The following PTPRK variants were observed in gnomAD, a reference collection of about 807,000 sequenced individuals.
PTPRK encodes receptor-type tyrosine-protein phosphatase kappa.
A neutral mutation model predicts 178.0 loss-of-function variants in PTPRK; 75 were observed. The observed-to-expected ratio is 0.42, with a 90% CI of 0.35 to 0.51. The LOEUF is 0.51. Among genes scored for constraint, PTPRK ranks in the 20% least tolerant of loss-of-function variants. The probability of loss-of-function intolerance (pLI) is 0.02; values close to 1 mark genes in which losing one functional copy is unlikely to be tolerated. For synonymous variants in PTPRK, 637 were observed against 620.6 expected, an observed-to-expected ratio of 1.03 and a Z score of -0.39; for missense variants, 1,441 against 1,797.8, an observed-to-expected ratio of 0.80 and a Z score of 3.59.
At chr6:128,386,777 A>C (rs1838801129) in intron 2 of PTPRK, among the ~76,000 whole-genome samples, 1 of 152,138 alleles carries the variant, frequency 6.6e-6, no homozygotes, top group African/African-American at 2.4e-5. Context: ...CACCTATCTA[A>C]AGGAAACGGG....
intron 1 of PTPRK, among the ~76,000 whole-genome samples, chr6:128,431,192 C>T (rs972568408): frequency 6.6e-6 from 1 of 152,072 alleles, no homozygotes. Context: ...CCCACCTCGG[C>T]TTCCTAAAGT....
chr6:128,472,998 C>CA (rs552648726), intron 1 of PTPRK, among the ~76,000 whole-genome samples: 214 of 152,170 alleles, frequency 1.4e-3, no homozygotes, highest in Non-Finnish European at 2.2e-3. Flanking sequence ...TAAAATTTTT[C>CA]AAACACCTGA....
intron 7 of PTPRK, among the ~76,000 whole-genome samples, chr6:128,147,708 C>A (rs922968051): frequency 3.9e-5 from 6 of 152,070 alleles, no homozygotes; most frequent in African/African-American, 7.2e-5. Flanking sequence ...TATGAGGATA[C>A]CCTGGCTCAA....
intron 11 of PTPRK, among the ~76,000 whole-genome samples, chr6:128,068,115 G>A (rs1430293713): frequency 6.6e-6 from 1 of 152,188 alleles, no homozygotes; most frequent in East Asian, 1.9e-4. Flanking sequence ...ACACATCATA[G>A]ATTCAGTTCT....
At chr6:128,357,574 G>A (rs1834127013) in intron 2 of PTPRK, among the ~76,000 whole-genome samples, 1 of 152,138 alleles carries the variant, frequency 6.6e-6, no homozygotes, top group Non-Finnish European at 1.5e-5. Flanking sequence ...CAGCATTTCT[G>A]GACACTGTCA....
intron 2 of PTPRK, among the ~76,000 whole-genome samples, chr6:128,396,595 T>C (rs1054992346): frequency 2.6e-5 from 4 of 152,162 alleles, no homozygotes; most frequent in African/African-American, 7.2e-5. Flanking sequence ...ATTGACATCC[T>C]ATGTTAATGT....
chr6:128,032,179 T>C (rs1775456534), intron 13 of PTPRK, among the ~76,000 whole-genome samples: 1 of 152,230 alleles, frequency 6.6e-6, no homozygotes, highest in East Asian at 1.9e-4. Context: ...CTCGGGCTGC[T>C]GCCTCTCACC....
intron 7 of PTPRK, among the ~76,000 whole-genome samples, chr6:128,105,888 A>C (rs774168103): frequency 6.6e-6 from 1 of 152,184 alleles, no homozygotes; most frequent in Non-Finnish European, 1.5e-5. Context: ...CTCATTGTAC[A>C]CTGCTTTTAA....
chr6:128,359,020 T>C (rs746485064), intron 2 of PTPRK, among the ~76,000 whole-genome samples: 23 of 152,322 alleles, frequency 1.5e-4, no homozygotes, highest in African/African-American at 5.1e-4. Flanking sequence ...GCCAGTTAAA[T>C]AGGATGCATA....
chr6:128,189,433 G>A (rs1249184318), intron 6 of PTPRK, among the ~76,000 whole-genome samples: 1 of 151,370 alleles, frequency 6.6e-6, no homozygotes. Context: ...TAGAGACGGG[G>A]TTTCGCTATA....
intron 13 of PTPRK, among the ~76,000 whole-genome samples, chr6:128,031,142 A>T (rs939679179): frequency 6.6e-6 from 1 of 152,228 alleles, no homozygotes. Context: ...AGTAGCTGAA[A>T]CAGAAATAAG....
At chr6:128,342,934 T>G in intron 2 of PTPRK, among the ~76,000 whole-genome samples, 1 of 151,428 alleles carries the variant, frequency 6.6e-6, no homozygotes, top group East Asian at 2.0e-4. Flanking sequence ...AAAAAAACAA[T>G]TAAAAAATTA....
At chr6:128,311,010 C>T (rs796580275) in intron 3 of PTPRK, among the ~76,000 whole-genome samples, 10 of 152,130 alleles carry the variant, frequency 6.6e-5, no homozygotes, top group African/African-American at 2.2e-4. Context: ...AAAGTTCCCC[C>T]GGGATCCCAG....
chr6:128,235,442 CT>C (rs1405253300), intron 5 of PTPRK: 1 of 272,134 alleles, frequency 3.7e-6, no homozygotes, highest in Non-Finnish European at 7.9e-6. Context: ...TATAATTTCA[CT>C]TTTGATCTTA....
chr6:128,285,822 T>C (rs1295380267), intron 3 of PTPRK, among the ~76,000 whole-genome samples: 2 of 151,656 alleles, frequency 1.3e-5, no homozygotes, highest in Non-Finnish European at 2.9e-5. Context: ...CCAAAATAAA[T>C]AAATAAATAA....
At position 128,380,555 on chromosome 6, in the gene PTPRK, T is replaced by TACAC. The variant is rs1562397761; in HGVS notation, c.223+17010_223+17011insGTGT. 9.5e-3 allele frequency among the ~76,000 whole-genome samples: 470 copies of TACAC among 49,566 alleles called. 2 individuals are homozygous for TACAC. The highest frequency in any genetic ancestry group is 0.026 in the South Asian group (30 of 1,144). The allele number at this position is 49,566 out of a possible 152,430, so 32.5% of individuals were successfully genotyped here. On this transcript the variant is annotated intron_variant, in intron 2 of 29. Transcript: ENST00000368226. Reference sequence around the variant, plus strand: ...ACACAGACATACACACACACACACGTGTGTGTGTGTGTGTGTGTGTATGCA... The same window carrying TACAC: ...ACACAGACATACACACACACACACGTACACGTGTGTGTGTGTGTGTGTGTATGCA...
At chr6:128,073,299 G>GAGAC (rs1201695868) in intron 11 of PTPRK, among the ~76,000 whole-genome samples, 7 of 151,968 alleles carry the variant, frequency 4.6e-5, no homozygotes, top group African/African-American at 1.7e-4. Context: ...TTCTAGTGGG[G>GAGAC]AGACACAAAT....
At chr6:128,385,935 C>T (rs1425228188) in intron 2 of PTPRK, among the ~76,000 whole-genome samples, 1 of 152,144 alleles carries the variant, frequency 6.6e-6, no homozygotes, top group Non-Finnish European at 1.5e-5. Flanking sequence ...TCCCCAAATT[C>T]AAGAGATAAA....
chr6:128,263,966 T>C (rs1289197944), intron 3 of PTPRK, among the ~76,000 whole-genome samples: 1 of 152,160 alleles, frequency 6.6e-6, no homozygotes, highest in Non-Finnish European at 1.5e-5. Flanking sequence ...CAGCTGTTTC[T>C]TTCCAAGGAG....
Sources: allele counts gnomAD v4.1 joint callset (sites outside exome capture counted in the v4.1 genomes callset), GRCh38; gene constraint gnomAD v4.1.1; transcripts MANE v1.5; gene names NCBI Gene and HGNC (gene_info 2026-07-23, HGNC 2026-07-21).